ASL: variants seen among roughly 807,000 people sequenced by gnomAD.
ASL encodes the protein argininosuccinate lyase.
ASL carries 51 observed loss-of-function variants against 69.1 expected under a neutral mutation model. That is an observed-to-expected ratio of 0.74 (90% CI 0.59 to 0.93). The LOEUF (loss-of-function observed/expected upper bound fraction) is 0.93, where lower values mean the gene tolerates loss of function less well. ASL is among the 40% of genes least tolerant of loss of function. The pLI is 0.00. For synonymous variants in ASL, 241 were observed against 247.6 expected, an observed-to-expected ratio of 0.97 and a Z score of 0.25; for missense variants, 540 against 623.9, an observed-to-expected ratio of 0.87 and a Z score of 1.43.
At chr7:66,086,243 A>G (rs1375390290) in intron 6 of ASL, among the ~76,000 whole-genome samples, 2 of 151,384 alleles carry the variant, frequency 1.3e-5, no homozygotes, top group Admixed American at 6.6e-5. Context: ...CTCAAACGAA[A>G]CCTCCCACGG....
intron 15 of ASL, 43 bp downstream of exon 15, chr7:66,092,129 C>T (rs1464386598): frequency 3.8e-6 from 6 of 1,584,660 alleles, no homozygotes; most frequent in Non-Finnish European, 5.2e-6. Context: ...AGATGGGGTG[C>T]CCCCCCCAGA....
At chr7:66,091,453 A>G (rs771638564) in intron 14 of ASL, among the ~76,000 whole-genome samples, 1 of 152,176 alleles carries the variant, frequency 6.6e-6, no homozygotes, top group Non-Finnish European at 1.5e-5. Flanking sequence ...CCAGCCACTT[A>G]GGAGACTGAT....
intron 6 of ASL, 106 bp from the exon 7 acceptor site, chr7:66,086,479 C>A: frequency 8.5e-7 from 1 of 1,175,400 alleles, no homozygotes; most frequent in Non-Finnish European, 1.2e-6. Context: ...TGGAGTGCTG[C>A]AGCGTGACAC....
At chr7:66,082,756 T>C in intron 4 of ASL, 124 bp from the exon 5 acceptor site, 1 of 1,201,416 alleles carries the variant, frequency 8.3e-7, no homozygotes, top group Non-Finnish European at 1.2e-6. Flanking sequence ...GCGAGAGATT[T>C]GGGGAGGACC....
chr7:66,087,287 G>A, intron 8 of ASL, 47 bp from the exon 9 acceptor site: 1 of 1,434,136 alleles, frequency 7.0e-7, no homozygotes. Context: ...TGTGTGTCAG[G>A]GCTGCCTGCC....
chr7:66,086,226 T>C (rs1786657440), intron 6 of ASL, among the ~76,000 whole-genome samples: 1 of 152,200 alleles, frequency 6.6e-6, no homozygotes, highest in African/African-American at 2.4e-5. Context: ...CAGCTATTTC[T>C]AGGGTCCTCA....
intron 2 of ASL, among the ~76,000 whole-genome samples, chr7:66,081,570 A>T (rs887708877): frequency 1.4e-5 from 2 of 146,706 alleles, no homozygotes; most frequent in African/African-American, 5.1e-5. Context: ...ACAAAGTGAG[A>T]CTCTGTCTCA....
At chr7:66,081,598 C>G (rs1584020768) in intron 2 of ASL, among the ~76,000 whole-genome samples, 1 of 151,212 alleles carries the variant, frequency 6.6e-6, no homozygotes, top group South Asian at 2.1e-4. Context: ...AAAAAAAGAA[C>G]CCAAACTTTT....
chr7:66,090,256 T>C (rs1740053178), intron 14 of ASL, among the ~76,000 whole-genome samples: 1 of 151,762 alleles, frequency 6.6e-6, no homozygotes, highest in African/African-American at 2.4e-5. Flanking sequence ...TAAATTAAAT[T>C]AAATTAAATT....
chr7:66,081,810 A>G lies in ASL; in HGVS notation c.20A>G (p.Lys7Arg). Reference protein sequence around the residue: MASESGKLWGGRFVGAV... With the variant: MASESGRLWGGRFVGAV... ...TCTTGCTCTCCTGGCCAGAGTGGGA[A>G]GCTTTGGGGTGGCCGGTTTGTGGGT... is the stretch of plus-strand genomic sequence containing the variant. Residue 7 changes from lysine (K) to arginine (R), a missense_variant, in exon 3 of 17, where the codon AAG becomes AGG. Coordinates refer to ENST00000304874, the MANE Select transcript of ASL (RefSeq NM_000048.4). 4 of 1,613,274 alleles carry G rather than the reference A, an allele frequency of 2.5e-6. No individual in the cohort carries two copies. The highest frequency in any genetic ancestry group is 3.4e-6 in the Non-Finnish European group (4 of 1,179,636).
Position 66,092,962 on chromosome 7 carries a change from G to C in ASL, c.*50G>C. ...AAAGTGGGCGCGAGAGGAGGCTGCT[G>C]TGTGTTTCCTGCCCCAGCCTGGCTC... On this transcript the variant is annotated 3_prime_UTR_variant, in exon 17 of 17. Transcript: ENST00000304874. The C allele has an allele frequency of 6.4e-7, 1 of 1,562,066 alleles. No individual in the cohort carries two copies. Among genetic ancestry groups the C allele is most frequent in the Non-Finnish European group, 8.6e-7 (1 of 1,161,914 alleles).
rs1333394723 is a variant in ASL, at chr7:66,087,549, C to T, written c.655+163C>T. On this transcript the variant is annotated intron_variant, in intron 9 of 16. Transcript: ENST00000304874. Reference sequence around the variant, plus strand: ...CATCAAGTTCAGGGGTCACTCATGGCAGGGATGCCTGGTACTGAGAGACTC... The same window carrying T: ...CATCAAGTTCAGGGGTCACTCATGGTAGGGATGCCTGGTACTGAGAGACTC... 4 of 1,004,192 alleles carry T rather than the reference C, an allele frequency of 4.0e-6. No individual in the cohort carries two copies. In the African/African-American group the frequency reaches 6.4e-5, roughly 16 times the overall value. 62.2% of individuals were successfully genotyped at this position (1,004,192 alleles called of 1,614,324 possible). A position where few individuals can be genotyped will look rare whatever the true frequency, so the allele number is the denominator to read the frequency against.
At position 66,092,567 on chromosome 7, in the gene ASL, G is replaced by A. The variant is rs746120802; in HGVS notation, c.1154G>A (p.Arg385His). ...YYLVRKGMPFRQAHEASGKAV... is the reference protein window; with the variant it reads ...YYLVRKGMPFHQAHEASGKAV... ...CTCCCTGGCACCCAGATGCCATTCC[G>A]CCAGGCCCACGAGGCCTCCGGGAAA... The change falls in exon 16 of 17, where the codon CGC (arginine) becomes CAC (histidine). Residue 385 changes from arginine to histidine, a missense_variant. Coordinates refer to ENST00000304874, the MANE Select transcript of ASL (RefSeq NM_000048.4). The A allele has an allele frequency of 1.4e-5, 22 of 1,609,144 alleles. No individual in the cohort carries two copies. The highest frequency in any genetic ancestry group is 1.9e-5 in the Non-Finnish European group (22 of 1,179,898).
rs747831550 is a variant in ASL, at chr7:66,089,281, C to T, written c.924C>T (p.Ala308=). The change falls in exon 13 of 17, where the codon GCC becomes GCT. Residue 308 remains alanine, a synonymous_variant. Coordinates refer to ENST00000304874, the MANE Select transcript of ASL (RefSeq NM_000048.4). ...GTGCCTCCCTCTTCCCGCAGTGTGCCGGGCTCCTGATGACCCTCAAGGGAC... is the reference window on the plus strand; with the variant it reads ...GTGCCTCCCTCTTCCCGCAGTGTGCTGGGCTCCTGATGACCCTCAAGGGAC... ...SKAGRVFGRC[A]GLLMTLKGLP... The T allele has an allele frequency of 1.9e-5, 30 of 1,610,344 alleles. No individual in the cohort carries two copies. Among genetic ancestry groups the T allele is most frequent in the Non-Finnish European group, 2.1e-5 (25 of 1,178,582 alleles).
chr7:66,076,203 T>C lies in ASL; in HGVS notation c.12+110T>C, dbSNP rs1584013707. ...GGGAATCGCCCTCCAGGAAGCAATT[T>C]TGAAAATTACCTAGGAAGCCTGCAC... is the stretch of plus-strand genomic sequence containing the variant. On this transcript the variant is annotated intron_variant, in intron 2 of 16. Coordinates refer to ENST00000304874, the MANE Select transcript of ASL (RefSeq NM_000048.4). The C allele has an allele frequency of 7.0e-6, 10 of 1,419,098 alleles. No homozygotes were observed. The Admixed American group carries it at 8.3e-5, about 12-fold the overall frequency. The allele number at this position is 1,419,098 out of a possible 1,614,324, so 87.9% of individuals were successfully genotyped here. A position where few individuals can be genotyped will look rare whatever the true frequency, so the allele number is the denominator to read the frequency against.
intron 9 of ASL, 123 bp from the exon 10 acceptor site, chr7:66,087,606 A>C: frequency 1.9e-6 from 2 of 1,067,172 alleles, no homozygotes; most frequent in Admixed American, 2.0e-5. Flanking sequence ...GGACTGTGCA[A>C]AAGATCCCTC....
chr7:66,091,826 C>A, intron 14 of ASL, 180 bp from the exon 15 acceptor site: 1 of 678,584 alleles, frequency 1.5e-6, no homozygotes, highest in Non-Finnish European at 2.7e-6. Flanking sequence ...GTTCATAGCA[C>A]ATGTAAATAT....
chr7:66,089,456 G>A (rs1786779316), intron 13 of ASL, 121 bp downstream of exon 13: 5 of 1,456,724 alleles, frequency 3.4e-6, no homozygotes, highest in Non-Finnish European at 4.7e-6. Context: ...AGCTCCATCC[G>A]TGGCTGCCCT....
intron 3 of ASL, 142 bp from the exon 4 acceptor site, chr7:66,082,226 C>T (rs944820642): frequency 6.6e-6 from 7 of 1,061,516 alleles, no homozygotes; most frequent in South Asian, 2.7e-5. Context: ...GCCTGAGATG[C>T]CCCCTCCCAG....
Sources: gnomAD v4.1 joint callset for allele counts (sites outside exome capture counted in the v4.1 genomes callset) on GRCh38, gnomAD v4.1.1 for gene constraint, MANE v1.5 for transcripts, NCBI Gene and HGNC (gene_info 2026-07-23, HGNC 2026-07-21) for gene names.